Variants in MAPK4 observed in about 807,000 individuals in gnomAD.
MAPK4 encodes mitogen-activated protein kinase 4.
A neutral mutation model predicts 47.7 loss-of-function variants in MAPK4; 22 were observed. The observed-to-expected ratio is 0.46, with a 90% CI of 0.33 to 0.66. The LOEUF is 0.66. MAPK4 is among the 30% of genes least tolerant of loss of function. The pLI, the probability that MAPK4 is intolerant of heterozygous loss-of-function variation, is 0.02. For missense variants in MAPK4, 736 were observed against 831.7 expected (o/e 0.88, Z 1.42); for synonymous variants, 390 against 365.7 (o/e 1.07, Z -0.76).
intron 4 of MAPK4, among the ~76,000 whole-genome samples, chr18:50,725,018 AG>A (rs1253646668): frequency 6.6e-6 from 1 of 152,236 alleles, no homozygotes; most frequent in Non-Finnish European, 1.5e-5. Flanking sequence ...CCCCTGCTCA[AG>A]GGAAGGGCCA....
chr18:50,670,027 C>T (rs1025392972), intron 2 of MAPK4, among the ~76,000 whole-genome samples: 7 of 151,976 alleles, frequency 4.6e-5, no homozygotes, highest in Non-Finnish European at 1.0e-4. Context: ...GGCGTGGTGG[C>T]GGGCACCTGT....
intron 1 of MAPK4, among the ~76,000 whole-genome samples, chr18:50,622,025 A>G (rs1240009646): frequency 1.3e-5 from 2 of 152,210 alleles, no homozygotes; most frequent in Non-Finnish European, 2.9e-5. Context: ...CTTAATGCCT[A>G]TTAACAGCCC....
intron 1 of MAPK4, among the ~76,000 whole-genome samples, chr18:50,651,868 G>C (rs2144211445): frequency 6.6e-6 from 1 of 152,342 alleles, no homozygotes; most frequent in East Asian, 1.9e-4. Context: ...CACATGTGCA[G>C]TGGTTTCACC....
chr18:50,640,704 G>A (rs561066994), intron 1 of MAPK4, among the ~76,000 whole-genome samples: 1 of 152,164 alleles, frequency 6.6e-6, no homozygotes, highest in Admixed American at 6.5e-5. Context: ...GACCTCAGGT[G>A]ATCCACCCGC....
chr18:50,645,266 G>A (rs2042978169), intron 1 of MAPK4, among the ~76,000 whole-genome samples: 2 of 152,064 alleles, frequency 1.3e-5, no homozygotes, highest in Non-Finnish European at 2.9e-5. Context: ...AATAACAGCT[G>A]GGGTTAAAGA....
chr18:50,624,412 G>C (rs78989086), intron 1 of MAPK4, among the ~76,000 whole-genome samples: 1 of 152,100 alleles, frequency 6.6e-6, no homozygotes, highest in Non-Finnish European at 1.5e-5. Context: ...TCAACACGTG[G>C]GCAGTGTAGT....
chr18:50,714,218 A>G (rs1415384653), intron 2 of MAPK4, among the ~76,000 whole-genome samples: 1 of 152,104 alleles, frequency 6.6e-6, no homozygotes, highest in Admixed American at 6.5e-5. Context: ...TTTTTTTCTT[A>G]CATTAGAAAG....
At chr18:50,600,343 C>T (rs915015543) in intron 1 of MAPK4, among the ~76,000 whole-genome samples, 11 of 152,134 alleles carry the variant, frequency 7.2e-5, no homozygotes, top group Admixed American at 1.3e-4. Context: ...GGAAACTAAC[C>T]GACACATAGC....
intron 1 of MAPK4, among the ~76,000 whole-genome samples, chr18:50,658,931 C>T (rs964004127): frequency 1.3e-5 from 2 of 152,198 alleles, no homozygotes; most frequent in Non-Finnish European, 1.5e-5. Flanking sequence ...GATGTTCCCA[C>T]GGAGTCTAGA....
At chr18:50,640,827 C>A (rs534032962) in intron 1 of MAPK4, among the ~76,000 whole-genome samples, 13 of 152,254 alleles carry the variant, frequency 8.5e-5, no homozygotes, top group African/African-American at 3.1e-4. Flanking sequence ...CACACACGCA[C>A]ACACACACTG....
At chr18:50,618,946 C>G (rs946342747) in intron 1 of MAPK4, among the ~76,000 whole-genome samples, 1 of 151,988 alleles carries the variant, frequency 6.6e-6, no homozygotes, top group Non-Finnish European at 1.5e-5. Context: ...GCCCGGGTAA[C>G]TGCCTTCTAT....
chr18:50,728,343 G>A (rs566633155), intron 5 of MAPK4, among the ~76,000 whole-genome samples: 4 of 152,218 alleles, frequency 2.6e-5, no homozygotes, highest in Non-Finnish European at 5.9e-5. Flanking sequence ...CAGAGCAGTC[G>A]AACGGGGCAG....
intron 1 of MAPK4, among the ~76,000 whole-genome samples, chr18:50,658,039 G>A (rs976317086): frequency 4.9e-4 from 74 of 152,292 alleles, no homozygotes; most frequent in African/African-American, 1.7e-3. Context: ...ACAGGCTCTA[G>A]CATGGCTGAG....
chr18:50,655,640 CCG>C (rs1478445167), intron 1 of MAPK4, among the ~76,000 whole-genome samples: 1 of 152,102 alleles, frequency 6.6e-6, no homozygotes, highest in Non-Finnish European at 1.5e-5. Flanking sequence ...GGTCCCCCTG[CCG>C]CCGCTGAGAG....
chr18:50,704,248 G>A (rs967340349), intron 2 of MAPK4, among the ~76,000 whole-genome samples: 2 of 152,176 alleles, frequency 1.3e-5, no homozygotes, highest in Non-Finnish European at 2.9e-5. Context: ...GGTGTCTTAT[G>A]CCTGTAATCC....
intron 2 of MAPK4, among the ~76,000 whole-genome samples, chr18:50,677,745 A>G (rs1300037371): frequency 6.6e-6 from 1 of 152,006 alleles, no homozygotes; most frequent in Non-Finnish European, 1.5e-5. Flanking sequence ...AGTAGAGACA[A>G]GGTCTCGCTA....
intron 1 of MAPK4, among the ~76,000 whole-genome samples, chr18:50,564,274 C>G (rs915392578): frequency 2.6e-5 from 4 of 152,186 alleles, no homozygotes; most frequent in African/African-American, 9.7e-5. Flanking sequence ...TTTAAGGCAG[C>G]TATTCTCAAC....
chr18:50,584,710 T>C (rs2042374638), intron 1 of MAPK4, among the ~76,000 whole-genome samples: 1 of 152,234 alleles, frequency 6.6e-6, no homozygotes, highest in African/African-American at 2.4e-5. Context: ...TACTTGTCAG[T>C]TGGAGTCATC....
At chr18:50,709,638 T>C (rs926517330) in intron 2 of MAPK4, among the ~76,000 whole-genome samples, 2 of 152,100 alleles carry the variant, frequency 1.3e-5, no homozygotes, top group Admixed American at 1.3e-4. Context: ...AGCACATCTC[T>C]TGGAGTGCTT....
Sources: gnomAD v4.1 joint callset for allele counts (sites outside exome capture counted in the v4.1 genomes callset) on GRCh38, gnomAD v4.1.1 for gene constraint, MANE v1.5 for transcripts, NCBI Gene and HGNC (gene_info 2026-07-23, HGNC 2026-07-21) for gene names.